The following NUP160 variants were observed in gnomAD, a reference collection of about 807,000 sequenced individuals.
NUP160 encodes nuclear pore complex protein Nup160.
A neutral mutation model predicts 196.9 loss-of-function variants in NUP160; 94 were observed. That is an observed-to-expected ratio of 0.48 (90% confidence interval 0.40 to 0.57). The LOEUF is 0.57. Ranked by LOEUF, NUP160 falls within the 20% of genes least tolerant of loss-of-function variation. NUP160 has a pLI of 0.00. For synonymous variants in NUP160, 605 were observed against 619.7 expected (o/e 0.98, Z 0.35); for missense variants, 1,638 against 1,748.3 (o/e 0.94, Z 1.13).
chr11:47,828,771 A>G (rs1852022878), intron 7 of NUP160, among the ~76,000 whole-genome samples: 1 of 152,238 alleles, frequency 6.6e-6, no homozygotes, highest in African/African-American at 2.4e-5. Context: ...TTGAGAGCCT[A>G]GAAATAAAAC....
chr11:47,813,770 G>A (rs776608850), intron 13 of NUP160, among the ~76,000 whole-genome samples: 17 of 151,860 alleles, frequency 1.1e-4, no homozygotes, highest in Non-Finnish European at 1.8e-4. Flanking sequence ...AAGCTGCAGT[G>A]AGCCTTAAGA....
chr11:47,816,979 T>A (rs904410501), intron 11 of NUP160, among the ~76,000 whole-genome samples: 1 of 149,642 alleles, frequency 6.7e-6, no homozygotes, highest in Non-Finnish European at 1.5e-5. Context: ...CCTTTCAGTT[T>A]TTTTTTTTTT....
At chr11:47,831,417 T>C (rs1338730709) in intron 7 of NUP160, among the ~76,000 whole-genome samples, 2 of 152,018 alleles carry the variant, frequency 1.3e-5, no homozygotes, top group African/African-American at 4.8e-5. Flanking sequence ...GAAACAACAA[T>C]GTCCAACACA....
chr11:47,804,698 T>C, intron 20 of NUP160, 80 bp from the exon 21 acceptor site: 2 of 922,278 alleles, frequency 2.2e-6, no homozygotes, highest in Non-Finnish European at 3.2e-6. Context: ...TTCAGAAAAG[T>C]CCATAAAATA....
Position 47,848,388 on chromosome 11 carries a change from TG to T in NUP160, c.32del (p.Pro11HisfsTer5), listed in dbSNP as rs754493321. On this transcript the variant is annotated frameshift_variant, in exon 1 of 36. Transcript: ENST00000378460. LOFTEE classifies it high-confidence loss of function. The stretch of plus-strand genomic sequence containing the variant: ...GCGCGGTCGCCGTCACTTCCGGGGG[TG>T]GGGCGGGCGGAGCTGCGGACAGGTG... The T allele has an allele frequency of 1.2e-6, 2 of 1,600,750 alleles. No individual in the cohort carries two copies. The highest frequency in any genetic ancestry group is 2.2e-5 in the South Asian group (2 of 90,336).
chr11:47,788,546 G>A (rs752056607), exon 30 of NUP160: 12 of 1,613,890 alleles, frequency 7.4e-6, no homozygotes, highest in Non-Finnish European at 9.3e-6. Flanking sequence ...AAAGTGAGGC[G>A]GATGCGAGCC....
intron 10 of NUP160, among the ~76,000 whole-genome samples, chr11:47,818,518 C>A (rs1483738116): frequency 1.3e-5 from 2 of 150,918 alleles, no homozygotes; most frequent in Non-Finnish European, 3.0e-5. Flanking sequence ...GAAATGGAAC[C>A]AGTAATAATA....
chr11:47,841,677 G>T (rs991963276), intron 2 of NUP160: 9 of 298,950 alleles, frequency 3.0e-5, no homozygotes, highest in Non-Finnish European at 4.8e-5. Flanking sequence ...TGTACCATCT[G>T]ATAATTTTTG....
chr11:47,806,845 AC>A, intron 19 of NUP160, among the ~76,000 whole-genome samples: 1 of 143,746 alleles, frequency 7.0e-6, no homozygotes, highest in African/African-American at 2.6e-5. Context: ...ACACACACAC[AC>A]ACACACATAT....
exon 27 of NUP160, chr11:47,797,785 G>A (rs1428427948): frequency 5.0e-6 from 8 of 1,608,534 alleles, no homozygotes; most frequent in South Asian, 2.2e-5. Flanking sequence ...TCACCCTTGC[G>A]GTAATTGTGG....
At chr11:47,782,190 A>G (rs939042159) in intron 34 of NUP160, among the ~76,000 whole-genome samples, 1 of 150,304 alleles carries the variant, frequency 6.7e-6, no homozygotes, top group Admixed American at 6.6e-5. Flanking sequence ...AGGCTGAGGC[A>G]GGAGAATCAC....
chr11:47,840,499 C>A (rs1406526737), exon 3 of NUP160: 2 of 1,613,980 alleles, frequency 1.2e-6, no homozygotes, highest in Admixed American at 3.3e-5. Context: ...TAAAACACTG[C>A]AATTTTGGAA....
intron 7 of NUP160, among the ~76,000 whole-genome samples, chr11:47,832,977 A>C (rs1391960569): frequency 6.6e-6 from 1 of 152,222 alleles, no homozygotes; most frequent in African/African-American, 2.4e-5. Context: ...AGTTGTGTAG[A>C]GCTGGGAAGA....
intron 2 of NUP160, among the ~76,000 whole-genome samples, chr11:47,845,216 CT>C (rs1238371881): frequency 4.6e-5 from 7 of 152,160 alleles, no homozygotes; most frequent in African/African-American, 1.4e-4. Context: ...TCTCAGCTCA[CT>C]GCACCCTCCA....
At chr11:47,827,895 G>C (rs1168786753) in intron 7 of NUP160, among the ~76,000 whole-genome samples, 1 of 152,180 alleles carries the variant, frequency 6.6e-6, no homozygotes, top group African/African-American at 2.4e-5. Context: ...TTATGAGACA[G>C]GGTTCCGCTC....
At chr11:47,800,395 CT>C (rs984091868) in intron 23 of NUP160, among the ~76,000 whole-genome samples, 182 of 142,796 alleles carry the variant, frequency 1.3e-3, no homozygotes, top group Admixed American at 1.3e-3. Context: ...GGGTTTTTTT[CT>C]TTTTTTTTTT....
At chr11:47,783,240 C>T in intron 33 of NUP160, 42 bp from the exon 34 acceptor site, 10 of 1,599,040 alleles carry the variant, frequency 6.3e-6, no homozygotes, top group Non-Finnish European at 8.5e-6. Context: ...CTATTTCCCT[C>T]CTACTTGAGT....
chr11:47,819,944 T>C (rs556739810), intron 9 of NUP160, among the ~76,000 whole-genome samples: 1 of 152,372 alleles, frequency 6.6e-6, no homozygotes, highest in South Asian at 2.1e-4. Context: ...ATTCCAACCC[T>C]GCTCCAACTC....
At chr11:47,809,351 T>C (rs1599323442) in intron 17 of NUP160, among the ~76,000 whole-genome samples, 1 of 151,686 alleles carries the variant, frequency 6.6e-6, no homozygotes, top group South Asian at 2.1e-4. Flanking sequence ...GGTATGACCA[T>C]TATTATAAGC....
Sources: allele counts gnomAD v4.1 joint callset (sites outside exome capture counted in the v4.1 genomes callset), GRCh38; gene constraint gnomAD v4.1.1; transcripts MANE v1.5; gene names NCBI Gene and HGNC (gene_info 2026-07-23, HGNC 2026-07-21).